TENM2: variants seen among roughly 807,000 people sequenced by gnomAD.
The protein encoded by TENM2 is teneurin-2.
Under a neutral mutation model 245.2 loss-of-function variants are expected in TENM2, and 52 were observed. The ratio of observed to expected loss-of-function variants is 0.21; its 90% CI spans 0.17 to 0.27. TENM2 has a LOEUF of 0.27. TENM2 is among the 10% of genes least tolerant of loss of function. The pLI is 1.00. For synonymous variants in TENM2, 1,363 were observed against 1,438.9 expected, an observed-to-expected ratio of 0.95 and a Z score of 1.19; for missense variants, 3,046 against 3,666.8, an observed-to-expected ratio of 0.83 and a Z score of 4.37.
At position 167,637,751 on chromosome 5, in the gene TENM2, G is replaced by A. The variant is rs1042464549; in HGVS notation, c.503-238235G>A. Among the ~76,000 whole-genome samples the A allele has an allele frequency of 2.6e-5, 4 of 152,212 alleles. No individual in the cohort carries two copies. In the South Asian group the frequency reaches 6.2e-4, roughly 24 times the overall value. ...CACTGCATGTTCTCACTCATAAGTGGGAGCTGAACAATGAGAACACATAGA... is the reference window on the plus strand; with the variant it reads ...CACTGCATGTTCTCACTCATAAGTGAGAGCTGAACAATGAGAACACATAGA... On this transcript the variant is annotated intron_variant, in intron 2 of 28. Coordinates refer to ENST00000518659, the Ensembl canonical transcript of TENM2.
chr5:167,830,063 C>G (rs1191313679), intron 2 of TENM2, among the ~76,000 whole-genome samples: 1 of 152,226 alleles, frequency 6.6e-6, no homozygotes, highest in Admixed American at 6.5e-5. Flanking sequence ...ACTTCACATC[C>G]TTAATCCACT....
At chr5:167,749,128 T>A (rs1226229246) in intron 2 of TENM2, among the ~76,000 whole-genome samples, 1 of 152,050 alleles carries the variant, frequency 6.6e-6, no homozygotes, top group East Asian at 1.9e-4. Flanking sequence ...GGAATAATTA[T>A]CACTTTTACC....
chr5:168,054,208 G>A (rs1789348747), intron 6 of TENM2, among the ~76,000 whole-genome samples: 1 of 152,200 alleles, frequency 6.6e-6, no homozygotes, highest in Non-Finnish European at 1.5e-5. Flanking sequence ...TCATTATTGT[G>A]TGATGTTGTG....
the TENM2 span, among the ~76,000 whole-genome samples, chr5:167,027,482 T>G: frequency 6.6e-6 from 1 of 152,198 alleles, no homozygotes; most frequent in Non-Finnish European, 1.5e-5. Flanking sequence ...GTTAGGATCA[T>G]AAGGATAATA....
At position 167,994,709 on chromosome 5, in the gene TENM2, G is replaced by A. The variant is rs900414676; in HGVS notation, c.1186+1527G>A. Reference sequence around the variant, plus strand: ...AGGTGCCGTGTTCATCTGGGGCTTTGCAGAAGTGTAGCTTGCACTCTAAAC... The same window carrying A: ...AGGTGCCGTGTTCATCTGGGGCTTTACAGAAGTGTAGCTTGCACTCTAAAC... On this transcript the variant is annotated intron_variant, in intron 5 of 28. Coordinates refer to ENST00000518659, the Ensembl canonical transcript of TENM2. Among the ~76,000 whole-genome samples, 11 of 152,192 alleles carry A rather than the reference G, an allele frequency of 7.2e-5. 1 individual carries two copies. Among genetic ancestry groups the A allele is most frequent in the Admixed American group, 6.5e-4 (10 of 15,280 alleles).
intron 6 of TENM2, among the ~76,000 whole-genome samples, chr5:168,061,064 G>T (rs889349640): frequency 2.0e-5 from 3 of 152,262 alleles, no homozygotes; most frequent in Admixed American, 2.0e-4. Context: ...GAAATGAAAA[G>T]ACTCCCCTCA....
intron 3 of TENM2, among the ~76,000 whole-genome samples, chr5:167,890,278 C>T (rs1287137897): frequency 6.6e-6 from 1 of 152,138 alleles, no homozygotes; most frequent in Admixed American, 6.5e-5. Flanking sequence ...CCGAATCTGT[C>T]GCCTCTCTTT....
intron 27 of TENM2, among the ~76,000 whole-genome samples, chr5:168,253,392 C>T (rs938813851): frequency 1.3e-5 from 2 of 149,384 alleles, no homozygotes; most frequent in Non-Finnish European, 1.5e-5. Context: ...AATAAAAGCA[C>T]AGAGCAAAAA....
At chr5:167,083,208 A>G in the TENM2 span, among the ~76,000 whole-genome samples, 40 of 152,290 alleles carry the variant, frequency 2.6e-4, 1 homozygote, top group South Asian at 7.7e-3. Context: ...TCCCTAAACC[A>G]TAGCACTCAG....
At chr5:167,018,504 A>C in the TENM2 span, among the ~76,000 whole-genome samples, 1 of 152,144 alleles carries the variant, frequency 6.6e-6, no homozygotes. Context: ...TGATCACAGC[A>C]TATTCCTTTG....
chr5:168,186,303 A>G (rs1032738548), intron 13 of TENM2: 1 of 152,088 alleles, frequency 6.6e-6, no homozygotes, highest in Non-Finnish European at 1.5e-5. Context: ...TTATGGAAGA[A>G]TCTCTCTGAT....
chr5:167,974,733 C>T (rs1428607284), intron 4 of TENM2, among the ~76,000 whole-genome samples: 2 of 152,188 alleles, frequency 1.3e-5, no homozygotes, highest in Non-Finnish European at 2.9e-5. Context: ...GCTCTGACCC[C>T]ACCTGCTGCC....
chr5:168,227,516 C>CTT (rs56834297), intron 24 of TENM2, among the ~76,000 whole-genome samples: 7,206 of 130,574 alleles, frequency 0.055, 199 homozygotes, highest in East Asian at 0.091. Flanking sequence ...ATTTGCCTTT[C>CTT]TTTTTTTTTT....
At chr5:167,661,875 C>T (rs1487389889) in intron 2 of TENM2, among the ~76,000 whole-genome samples, 3 of 152,154 alleles carry the variant, frequency 2.0e-5, no homozygotes, top group Non-Finnish European at 2.9e-5. Flanking sequence ...TTGCATAATC[C>T]TTACAACTAG....
In TENM2 at chr5:168,012,569, G is replaced by C. The variant is rs375706383; in HGVS notation, c.1186+19387G>C. On this transcript the variant is annotated intron_variant, in intron 5 of 28. Coordinates refer to ENST00000518659, the Ensembl canonical transcript of TENM2. ...AGGCTGAGGTGGGAGGATAGCTTGA[G>C]CCCAGGAGGTTGATTCTGCCATGAG... Among the ~76,000 whole-genome samples the C allele has an allele frequency of 3.3e-5, 5 of 150,506 alleles. No individual in the cohort carries two copies. In the East Asian group the frequency reaches 5.9e-4, roughly 18 times the overall value.
At chr5:167,828,106 C>G (rs1474980964) in intron 2 of TENM2, among the ~76,000 whole-genome samples, 1 of 152,182 alleles carries the variant, frequency 6.6e-6, no homozygotes, top group Non-Finnish European at 1.5e-5. Context: ...ATGTTAAATA[C>G]TATCTAATTT....
chr5:167,315,365 ATAAT>A, intron 1 of TENM2, among the ~76,000 whole-genome samples: 2 of 152,272 alleles, frequency 1.3e-5, no homozygotes, highest in Middle Eastern at 6.8e-3. Flanking sequence ...AATTTCACAG[ATAAT>A]TAGATAACAT....
intron 2 of TENM2, among the ~76,000 whole-genome samples, chr5:167,441,212 CA>C (rs1764864392): frequency 1.3e-5 from 2 of 152,028 alleles, no homozygotes; most frequent in African/African-American, 4.8e-5. Context: ...ACTCTTTTTT[CA>C]AGCCCAGCTA....
the TENM2 span, among the ~76,000 whole-genome samples, chr5:167,004,801 A>G: frequency 6.6e-6 from 1 of 152,184 alleles, no homozygotes; most frequent in Non-Finnish European, 1.5e-5. Context: ...TGAATGTCAG[A>G]GAAGAGCTTT....
Sources: allele counts gnomAD v4.1 joint callset (sites outside exome capture counted in the v4.1 genomes callset), GRCh38; gene constraint gnomAD v4.1.1; transcripts MANE v1.5; gene names NCBI Gene and HGNC (gene_info 2026-07-23, HGNC 2026-07-21).